The following SMARCC1 variants were observed in gnomAD, a reference collection of about 807,000 sequenced individuals.
SMARCC1 encodes the protein SWI/SNF related BAF chromatin remodeling complex subunit C1, also known as SWI/SNF complex subunit SMARCC1.
In SMARCC1, 43 loss-of-function variants were observed where a neutral mutation model predicts 147.4. The observed-to-expected ratio is 0.29, with a 90% CI of 0.23 to 0.38. The LOEUF is 0.38. Among genes scored for constraint, SMARCC1 ranks in the 10% least tolerant of loss-of-function variants. The pLI is 1.00. For missense variants in SMARCC1, 1,119 were observed against 1,381.1 expected (o/e 0.81, Z 3.01); for synonymous variants, 495 against 484.4 (o/e 1.02, Z -0.29).
chr3:47,753,211 G>C (rs2034647112), intron 2 of SMARCC1, among the ~76,000 whole-genome samples: 1 of 151,624 alleles, frequency 6.6e-6, no homozygotes, highest in Admixed American at 6.6e-5. Flanking sequence ...TGTAGTCCCA[G>C]CTACTCAGGA....
Position 47,701,394 on chromosome 3 carries a change from C to T in SMARCC1, c.1049G>A (p.Ser350Asn), listed in dbSNP as rs760231040. Residue 350 changes from serine to asparagine, a missense_variant, in exon 11 of 28, where the codon AGC (serine) becomes AAC (asparagine). By Grantham distance (46) the Ser-to-Asn change is conservative. Coordinates refer to ENST00000254480, the MANE Select transcript of SMARCC1 (RefSeq NM_003074.4). ...CTGACTTCTGCGCTTCCCATAAAGG[C>T]TAGCTTGGCTAAAACATACAAGTAT... ...RKKSGKKGQA[S>N]LYGKRRSQKE... is the part of the protein sequence containing the mutation. 5.0e-6 allele frequency: 8 copies of T among 1,613,636 alleles called. No individual in the cohort carries two copies. The highest frequency in any genetic ancestry group is 4.0e-5 in the African/African-American group (3 of 74,902).
chr3:47,596,471 G>T (rs1426103446), intron 26 of SMARCC1, among the ~76,000 whole-genome samples: 2 of 151,992 alleles, frequency 1.3e-5, no homozygotes, highest in Non-Finnish European at 2.9e-5. Flanking sequence ...GGGAGGCTGA[G>T]GCAGGGAATT....
At chr3:47,661,616 T>C (rs2033348526) in intron 20 of SMARCC1, among the ~76,000 whole-genome samples, 161 bp from the exon 21 acceptor site, 1 of 152,102 alleles carries the variant, frequency 6.6e-6, no homozygotes, top group Non-Finnish European at 1.5e-5. Flanking sequence ...GAGGACTAAA[T>C]GAGACAAAAA....
intron 26 of SMARCC1, among the ~76,000 whole-genome samples, chr3:47,597,105 T>A (rs1240938881): frequency 1.4e-5 from 2 of 145,974 alleles, no homozygotes; most frequent in Non-Finnish European, 3.0e-5. Context: ...GAGCTGAGAC[T>A]GCGTCACTGC....
At chr3:47,592,993 TA>T (rs1559620845) in intron 26 of SMARCC1, among the ~76,000 whole-genome samples, 1 of 151,754 alleles carries the variant, frequency 6.6e-6, no homozygotes, top group Non-Finnish European at 1.5e-5. Flanking sequence ...CTCTTTTTTT[TA>T]TTTTTTATTT....
intron 26 of SMARCC1, among the ~76,000 whole-genome samples, chr3:47,595,600 AAAT>A (rs1406220158): frequency 6.6e-6 from 1 of 152,084 alleles, no homozygotes; most frequent in Admixed American, 6.6e-5. Flanking sequence ...AACAATCAGA[AAAT>A]AATGTTAATG....
intron 14 of SMARCC1, among the ~76,000 whole-genome samples, chr3:47,680,776 T>A (rs1246987861): frequency 6.6e-6 from 1 of 151,962 alleles, no homozygotes; most frequent in East Asian, 1.9e-4. Context: ...CTCGATCTCC[T>A]GACCTCGTGA....
chr3:47,772,784 G>T, intron 2 of SMARCC1, 33 bp downstream of exon 2: 1 of 1,583,970 alleles, frequency 6.3e-7, no homozygotes, highest in South Asian at 1.1e-5. Context: ...AGCAACTGAG[G>T]ATGCCCAAAT....
intron 9 of SMARCC1, among the ~76,000 whole-genome samples, chr3:47,708,933 C>T (rs984055484): frequency 2.6e-5 from 4 of 152,120 alleles, no homozygotes; most frequent in African/African-American, 7.2e-5. Flanking sequence ...AGCCACTGGG[C>T]CCAGTCATTT....
In SMARCC1 at chr3:47,676,001, C is replaced by CA. The variant is rs533091266; in HGVS notation, c.1726-414dup. 2.9e-3 allele frequency among the ~76,000 whole-genome samples: 437 copies of CA among 151,222 alleles called. 2 individuals are homozygous for CA. Among genetic ancestry groups the CA allele is most frequent in the Non-Finnish European group, 4.1e-3 (279 of 67,764 alleles). ...TAAACCACTCTTGGTGGATTTCCTACAAAAAACAATAAATACCCACACTTC... is the reference window on the plus strand; with the variant it reads ...TAAACCACTCTTGGTGGATTTCCTACAAAAAAACAATAAATACCCACACTTC... On this transcript the variant is annotated intron_variant, in intron 17 of 27. Coordinates refer to ENST00000254480, the MANE Select transcript of SMARCC1 (RefSeq NM_003074.4).
intron 2 of SMARCC1, among the ~76,000 whole-genome samples, chr3:47,753,456 G>C (rs2034651045): frequency 6.6e-6 from 1 of 151,792 alleles, no homozygotes; most frequent in South Asian, 2.1e-4. Context: ...GCTCATGCCT[G>C]TAATCTGAGC....
At chr3:47,752,813 G>A (rs2034643104) in intron 2 of SMARCC1, among the ~76,000 whole-genome samples, 1 of 152,048 alleles carries the variant, frequency 6.6e-6, no homozygotes, top group Non-Finnish European at 1.5e-5. Context: ...CCAGCAAAAT[G>A]ATGCCTTATA....
chr3:47,732,260 AAG>A (rs2034383391), intron 5 of SMARCC1, among the ~76,000 whole-genome samples: 1 of 152,180 alleles, frequency 6.6e-6, no homozygotes, highest in African/African-American at 2.4e-5. Flanking sequence ...CACAGAATTG[AAG>A]AGAGTTAGGC....
intron 2 of SMARCC1, among the ~76,000 whole-genome samples, chr3:47,771,952 C>T (rs1263692872): frequency 6.6e-6 from 1 of 151,816 alleles, no homozygotes; most frequent in African/African-American, 2.4e-5. Context: ...TGTGGTGGCG[C>T]GCACCTGTAA....
chr3:47,622,457 T>TACC, intron 24 of SMARCC1, 116 bp from the exon 25 acceptor site: 1 of 948,718 alleles, frequency 1.1e-6, no homozygotes, highest in South Asian at 1.5e-5. Context: ...ACCCTATATG[T>TACC]CTCCTTTGTA....
At chr3:47,740,178 CTTTTTTTTTTTTTTTTTTTT>C (rs34523367) in intron 3 of SMARCC1, among the ~76,000 whole-genome samples, 1 of 35,708 alleles carries the variant, frequency 2.8e-5, no homozygotes, top group Non-Finnish European at 5.6e-5. Flanking sequence ...GCCCGGCCAT[CTTTTTTTTTTTTTTTTTTTT>C]TTTTTTTTTT....
chr3:47,661,211 GC>G, intron 21 of SMARCC1, 82 bp downstream of exon 21: 6 of 1,193,602 alleles, frequency 5.0e-6, no homozygotes, highest in Non-Finnish European at 5.9e-6. Flanking sequence ...ACTTTTTAGT[GC>G]AAGTAAACCC....
intron 26 of SMARCC1, chr3:47,603,956 T>C (rs1446093556): frequency 2.2e-6 from 1 of 451,892 alleles, no homozygotes; most frequent in Non-Finnish European, 4.4e-6. Flanking sequence ...TAGGACCAAA[T>C]AATAAGAGCC....
At chr3:47,773,367 C>T (rs1040571048) in intron 1 of SMARCC1, among the ~76,000 whole-genome samples, 4 of 150,830 alleles carry the variant, frequency 2.7e-5, no homozygotes, top group African/African-American at 9.8e-5. Flanking sequence ...CCTCATGTGA[C>T]CTGCCCCTGC....
Sources: gnomAD v4.1 joint callset for allele counts (sites outside exome capture counted in the v4.1 genomes callset) on GRCh38, gnomAD v4.1.1 for gene constraint, MANE v1.5 for transcripts, NCBI Gene and HGNC (gene_info 2026-07-23, HGNC 2026-07-21) for gene names.